The following MYBPC1 variants were observed in gnomAD, a reference collection of about 807,000 sequenced individuals.
MYBPC1 encodes myosin-binding protein C, slow-type.
MYBPC1 carries 52 observed loss-of-function variants against 147.1 expected under a neutral mutation model. That is an observed-to-expected ratio of 0.35 (90% CI 0.28 to 0.45). The LOEUF (loss-of-function observed/expected upper bound fraction) is 0.45, where lower values mean the gene tolerates loss of function less well. Ranked by LOEUF, MYBPC1 falls within the 20% of genes least tolerant of loss-of-function variation. The probability of loss-of-function intolerance (pLI) is 1.00; values close to 1 mark genes in which losing one functional copy is unlikely to be tolerated. For synonymous variants in MYBPC1, 477 were observed against 475.9 expected, an observed-to-expected ratio of 1.00 and a Z score of -0.03; for missense variants, 1,228 against 1,440.3, an observed-to-expected ratio of 0.85 and a Z score of 2.39.
chr12:101,695,670 G>C, the MYBPC1 span, among the ~76,000 whole-genome samples: 7 of 152,082 alleles, frequency 4.6e-5, no homozygotes, highest in Non-Finnish European at 1.0e-4. Flanking sequence ...AGCTTCACCA[G>C]CCATTCTGAA....
chr12:101,665,267 G>T (rs1897234774), intron 22 of MYBPC1, among the ~76,000 whole-genome samples: 1 of 152,038 alleles, frequency 6.6e-6, no homozygotes, highest in Non-Finnish European at 1.5e-5. Context: ...AGCTTTCTAT[G>T]GGAGTTCTCT....
intron 1 of MYBPC1, among the ~76,000 whole-genome samples, chr12:101,610,476 C>T (rs189997545): frequency 1.3e-5 from 2 of 151,754 alleles, no homozygotes; most frequent in Admixed American, 1.3e-4. Flanking sequence ...TAAGGCATAT[C>T]CTTAGCAGGC....
At chr12:101,673,785 G>A (rs1899236415) in intron 25 of MYBPC1, among the ~76,000 whole-genome samples, 163 bp downstream of exon 25, 1 of 152,192 alleles carries the variant, frequency 6.6e-6, no homozygotes, top group South Asian at 2.1e-4. Context: ...GGGCGTGGTA[G>A]CTTACACCTG....
At chr12:101,599,453 C>A (rs192483447) in intron 1 of MYBPC1, among the ~76,000 whole-genome samples, 1 of 152,250 alleles carries the variant, frequency 6.6e-6, no homozygotes, top group Non-Finnish European at 1.5e-5. Context: ...TCCCCTCTTG[C>A]CTATTTCTAA....
Position 101,625,539 on chromosome 12 carries a change from T to C in MYBPC1, c.104-1333T>C, listed in dbSNP as rs181160896. ...AAGTTTTTCACACCAGCATCATCTG[T>C]TACTAATACTCTTAATTAGTTAGTG... On this transcript the variant is annotated intron_variant, in intron 3 of 31. Transcript: ENST00000361466. Among the ~76,000 whole-genome samples the C allele has an allele frequency of 3.3e-5, 5 of 152,378 alleles. No individual in the cohort carries two copies. In the East Asian group the frequency reaches 9.6e-4, roughly 29 times the overall value.
At chr12:101,644,519 A>G in intron 11 of MYBPC1, 145 bp from the exon 12 acceptor site, 2 of 725,478 alleles carry the variant, frequency 2.8e-6, no homozygotes, top group Non-Finnish European at 4.7e-6. Context: ...TTCGAAATAT[A>G]AAGGATAATT....
chr12:101,634,454 A>C, intron 8 of MYBPC1, 100 bp from the exon 9 acceptor site: 1 of 969,278 alleles, frequency 1.0e-6, no homozygotes, highest in Non-Finnish European at 1.7e-6. Flanking sequence ...CCTTCACCTG[A>C]CATTCTTCCA....
chr12:101,670,302 C>T lies in MYBPC1; in HGVS notation c.2525-19C>T. Reference sequence around the variant, plus strand: ...ACACCAGACTGATTGCAAAATTGTGCTATTTTACCCTCTCTCAGAACCTCC... The same window carrying T: ...ACACCAGACTGATTGCAAAATTGTGTTATTTTACCCTCTCTCAGAACCTCC... On this transcript the variant is annotated intron_variant, in intron 23 of 31. Coordinates refer to ENST00000361466, the MANE Select transcript of MYBPC1 (RefSeq NM_002465.4). 6.2e-7 allele frequency: 1 copy of T among 1,603,838 alleles called. No homozygotes were observed. The highest frequency in any genetic ancestry group is 1.1e-5 in the South Asian group (1 of 90,864).
chr12:101,631,437 A>AATTCATTTCACAATTCCG (rs1388333910), intron 6 of MYBPC1, 134 bp from the exon 7 acceptor site: 3 of 1,045,216 alleles, frequency 2.9e-6, no homozygotes, highest in Non-Finnish European at 3.0e-6. Context: ...AATCAGGACG[A>AATTCATTTCACAATTCCG]ATTCATTTCA....
chr12:101,609,290 T>TA (rs910767052), intron 1 of MYBPC1, among the ~76,000 whole-genome samples: 1 of 151,746 alleles, frequency 6.6e-6, no homozygotes, highest in South Asian at 2.1e-4. Flanking sequence ...GTTTTAAAAT[T>TA]AAAAAAAAAT....
chr12:101,636,652 T>C lies in MYBPC1; in HGVS notation c.609-20T>C. ...GTCTCTGCATTAAACCCAGATTTGC[T>C]TTTCTTTTGTTAACGACAGTGGAGA... is the stretch of plus-strand genomic sequence containing the variant. On this transcript the variant is annotated intron_variant, in intron 9 of 31. Coordinates refer to ENST00000361466, the MANE Select transcript of MYBPC1 (RefSeq NM_002465.4). 1 of 1,612,652 alleles carries C rather than the reference T, an allele frequency of 6.2e-7. No homozygotes were observed. Among genetic ancestry groups the C allele is most frequent in the Non-Finnish European group, 8.5e-7 (1 of 1,178,758 alleles).
chr12:101,675,354 A>G lies in MYBPC1; in HGVS notation c.2872A>G (p.Thr958Ala). Reference sequence around the variant, plus strand: ...TGTCTGGGGAGAAAATGTCGCTCTCACATGGACTCCACCAAAGGATGATGG... The same window carrying G: ...TGTCTGGGGAGAAAATGTCGCTCTCGCATGGACTCCACCAAAGGATGATGG... ...EDVWGENVALTWTPPKDDGNA... is the reference protein window; with the variant it reads ...EDVWGENVALAWTPPKDDGNA... The change falls in exon 26 of 32, where the codon ACA (threonine) becomes GCA (alanine). Residue 958 changes from threonine (T) to alanine (A), a missense_variant. Physicochemically the swap from Thr to Ala is moderately conservative, Grantham distance 58. Around this residue, in one of 2 missense-constraint regions of MYBPC1, gnomAD observed 1,077 missense variants for 1,314.2 expected, o/e 0.82. Coordinates refer to ENST00000361466, the MANE Select transcript of MYBPC1 (RefSeq NM_002465.4). 6.2e-7 allele frequency: 1 copy of G among 1,614,214 alleles called. No homozygotes were observed.
At chr12:101,652,656 T>C in intron 16 of MYBPC1, 22 bp from the exon 17 acceptor site, 3 of 1,541,682 alleles carry the variant, frequency 1.9e-6, no homozygotes, top group Non-Finnish European at 2.7e-6. Flanking sequence ...GTCTTAGAAA[T>C]ACATTTTCCT....
intron 23 of MYBPC1, among the ~76,000 whole-genome samples, chr12:101,669,446 G>A (rs1339119003): frequency 1.3e-5 from 2 of 152,176 alleles, no homozygotes; most frequent in Non-Finnish European, 2.9e-5. Flanking sequence ...GGCCAGGGTT[G>A]CCTATTATGT....
At chr12:101,693,609 C>T in the MYBPC1 span, among the ~76,000 whole-genome samples, 3 of 152,114 alleles carry the variant, frequency 2.0e-5, no homozygotes, top group Non-Finnish European at 2.9e-5. Flanking sequence ...GGTGTGGTGG[C>T]ACATGCCTAT....
chr12:101,690,676 A>G, downstream of MYBPC1, among the ~76,000 whole-genome samples: 1 of 152,190 alleles, frequency 6.6e-6, no homozygotes. Context: ...AGTTCTCTTA[A>G]CCCTAAATTG....
intron 18 of MYBPC1, among the ~76,000 whole-genome samples, chr12:101,654,142 G>C (rs921791015): frequency 6.6e-6 from 1 of 152,282 alleles, no homozygotes; most frequent in East Asian, 1.9e-4. Flanking sequence ...GGGAGGCAGA[G>C]GTTGCAGTGA....
At chr12:101,648,396 G>A (rs1893682632) in intron 14 of MYBPC1, among the ~76,000 whole-genome samples, 1 of 152,194 alleles carries the variant, frequency 6.6e-6, no homozygotes, top group Non-Finnish European at 1.5e-5. Context: ...AATACTAAGT[G>A]GATGACTCAA....
intron 1 of MYBPC1, among the ~76,000 whole-genome samples, chr12:101,603,338 T>C (rs917137890): frequency 6.7e-6 from 1 of 148,632 alleles, no homozygotes; most frequent in African/African-American, 2.5e-5. Context: ...AGAGTGAAAC[T>C]CCGTCTCAAA....
Sources: allele counts gnomAD v4.1 joint callset (sites outside exome capture counted in the v4.1 genomes callset), GRCh38; gene constraint gnomAD v4.1.1; regional missense constraint gnomAD v4.1.1; transcripts MANE v1.5; gene names NCBI Gene and HGNC (gene_info 2026-07-23, HGNC 2026-07-21).